KDM4C: variants seen among roughly 807,000 people sequenced by gnomAD.
The protein encoded by KDM4C is lysine demethylase 4C.
A neutral mutation model predicts 129.3 loss-of-function variants in KDM4C; 81 were observed. That is an observed-to-expected ratio of 0.63 (90% CI 0.52 to 0.75). KDM4C has a LOEUF of 0.75. KDM4C is among the 30% of genes least tolerant of loss of function. The probability of loss-of-function intolerance (pLI) is 0.00; values close to 1 mark genes in which losing one functional copy is unlikely to be tolerated. For synonymous variants in KDM4C, 573 were observed against 456.1 expected (o/e 1.26, Z -3.26); for missense variants, 1,457 against 1,304.0 (o/e 1.12, Z -1.81).
chr9:6,839,725 AC>A (rs1297460674), intron 4 of KDM4C, among the ~76,000 whole-genome samples: 5 of 151,934 alleles, frequency 3.3e-5, no homozygotes, highest in Admixed American at 6.6e-5. Context: ...ACATGGTGAA[AC>A]CCTGTCTCTA....
intron 15 of KDM4C, among the ~76,000 whole-genome samples, chr9:7,037,397 C>G (rs1388763481): frequency 6.6e-6 from 1 of 152,112 alleles, no homozygotes; most frequent in Admixed American, 6.6e-5. Context: ...CATGATTTCC[C>G]TCGGCTGCAA....
chr9:6,839,310 G>A (rs1350349775), intron 4 of KDM4C, among the ~76,000 whole-genome samples: 1 of 151,878 alleles, frequency 6.6e-6, no homozygotes, highest in Non-Finnish European at 1.5e-5. Context: ...GCTCCCTGCA[G>A]CCGTGACCTC....
intron 17 of KDM4C, among the ~76,000 whole-genome samples, chr9:7,070,701 C>T (rs1378469985): frequency 6.6e-6 from 1 of 152,086 alleles, no homozygotes; most frequent in African/African-American, 2.4e-5. Context: ...ACAGAAAGAA[C>T]TTCCTCATTC....
At chr9:6,969,858 AC>A (rs2131683924) in intron 8 of KDM4C, among the ~76,000 whole-genome samples, 1 of 152,336 alleles carries the variant, frequency 6.6e-6, no homozygotes, top group South Asian at 2.1e-4. Flanking sequence ...AGGACTACCT[AC>A]TTGACATTTC....
intron 1 of KDM4C, among the ~76,000 whole-genome samples, chr9:6,722,141 A>G (rs1816976103): frequency 1.3e-5 from 2 of 152,234 alleles, no homozygotes; most frequent in Admixed American, 1.3e-4. Context: ...CAAATTTGGC[A>G]TCCAACCTGA....
At chr9:6,831,592 C>T (rs1359821058) in intron 4 of KDM4C, among the ~76,000 whole-genome samples, 1 of 152,138 alleles carries the variant, frequency 6.6e-6, no homozygotes, top group Non-Finnish European at 1.5e-5. Context: ...ATCCAGCCAA[C>T]TCGGCCTCTA....
intron 19 of KDM4C, among the ~76,000 whole-genome samples, chr9:7,163,674 G>A (rs1844049502): frequency 6.6e-6 from 1 of 152,130 alleles, no homozygotes; most frequent in Admixed American, 6.5e-5. Context: ...ACCTTCCAGT[G>A]TTCTCGGTAC....
chr9:6,911,735 G>A (rs1484110665), intron 8 of KDM4C, among the ~76,000 whole-genome samples: 2 of 152,182 alleles, frequency 1.3e-5, no homozygotes, highest in Admixed American at 6.5e-5. Flanking sequence ...TGAAGCTTTT[G>A]TTGACGTATT....
At chr9:7,150,348 T>C (rs1217262631) in intron 19 of KDM4C, among the ~76,000 whole-genome samples, 1 of 152,196 alleles carries the variant, frequency 6.6e-6, no homozygotes, top group African/African-American at 2.4e-5. Flanking sequence ...TTGGTTAATC[T>C]TAAGAGGAAA....
intron 8 of KDM4C, among the ~76,000 whole-genome samples, chr9:6,922,270 A>G (rs1408164834): frequency 6.6e-6 from 1 of 152,212 alleles, no homozygotes; most frequent in African/African-American, 2.4e-5. Flanking sequence ...AACACTGAAC[A>G]TTTCTAATTT....
intron 8 of KDM4C, among the ~76,000 whole-genome samples, chr9:6,943,491 C>A (rs929589562): frequency 6.6e-6 from 1 of 152,000 alleles, no homozygotes; most frequent in Non-Finnish European, 1.5e-5. Context: ...GGAGGATCGC[C>A]TGAGCCCAGG....
intron 2 of KDM4C, among the ~76,000 whole-genome samples, chr9:6,803,728 C>T (rs1400466934): frequency 2.1e-5 from 3 of 145,500 alleles, no homozygotes; most frequent in Non-Finnish European, 4.5e-5. Context: ...GGCAACATGG[C>T]GAAACCCCAT....
At chr9:6,856,859 G>A (rs1053419144) in intron 5 of KDM4C, among the ~76,000 whole-genome samples, 38 of 148,846 alleles carry the variant, frequency 2.6e-4, no homozygotes, top group Admixed American at 6.2e-4. Flanking sequence ...CCGGGTTCAC[G>A]CCATTCTCCT....
intron 8 of KDM4C, among the ~76,000 whole-genome samples, chr9:6,904,691 A>G (rs1216570456): frequency 2.6e-5 from 4 of 152,244 alleles, no homozygotes; most frequent in Non-Finnish European, 5.9e-5. Context: ...GTTTTACTGA[A>G]TGACAGCATT....
rs146059076 is a variant in KDM4C, at chr9:6,948,489, AT to A, written c.922-32423del. 1.5e-3 allele frequency among the ~76,000 whole-genome samples: 192 copies of A among 127,168 alleles called. 1 individual carries two copies. The highest frequency in any genetic ancestry group is 4.9e-3 in the East Asian group (22 of 4,464). The allele number at this position is 127,168 out of a possible 152,430, so 83.4% of individuals were successfully genotyped here. A position where few individuals can be genotyped will look rare whatever the true frequency, so the allele number is the denominator to read the frequency against. On this transcript the variant is annotated intron_variant, in intron 8 of 21. Transcript: ENST00000381309. ...TTTTTTTTTTTAGTGTGCTGTTTGC[AT>A]TTTTTTTTTTTTAATTGATCATTCT...
rs184151721 is a variant in KDM4C, at chr9:7,019,341, A to G, written c.2259+3412A>G. On this transcript the variant is annotated intron_variant, in intron 15 of 21. Coordinates refer to ENST00000381309, the MANE Select transcript of KDM4C (RefSeq NM_015061.6). ...CAGAGGAGCCCTAGCCTCCTTGTAAATAAAGGGCTCTAAAGGAGCTCATGG... is the reference window on the plus strand; with the variant it reads ...CAGAGGAGCCCTAGCCTCCTTGTAAGTAAAGGGCTCTAAAGGAGCTCATGG... Among the ~76,000 whole-genome samples, 9 of 152,254 alleles carry G rather than the reference A, an allele frequency of 5.9e-5. No homozygotes were observed. The East Asian group carries it at 1.7e-3, about 29-fold the overall frequency.
intron 17 of KDM4C, among the ~76,000 whole-genome samples, chr9:7,079,612 G>A (rs1279626437): frequency 2.0e-5 from 3 of 152,192 alleles, no homozygotes; most frequent in Admixed American, 6.5e-5. Context: ...GTGAGCCACG[G>A]CACCCAGCCT....
intron 4 of KDM4C, among the ~76,000 whole-genome samples, chr9:6,816,702 T>C (rs1340471983): frequency 6.6e-6 from 1 of 152,210 alleles, no homozygotes; most frequent in Non-Finnish European, 1.5e-5. Context: ...GTCATTTCTT[T>C]AATTTTAGCC....
chr9:6,925,862 TA>T (rs1275930877), intron 8 of KDM4C, among the ~76,000 whole-genome samples: 16 of 152,204 alleles, frequency 1.1e-4, no homozygotes, highest in African/African-American at 3.6e-4. Flanking sequence ...GTTTGTATTT[TA>T]TGAAAGGGCA....
Sources: allele counts gnomAD v4.1 joint callset (sites outside exome capture counted in the v4.1 genomes callset), GRCh38; gene constraint gnomAD v4.1.1; transcripts MANE v1.5; gene names NCBI Gene and HGNC (gene_info 2026-07-23, HGNC 2026-07-21).